Variants in PAQR5 observed in about 807,000 individuals in gnomAD.
PAQR5 encodes the protein membrane progestin receptor gamma.
PAQR5 carries 20 observed loss-of-function variants against 34.5 expected under a neutral mutation model. The ratio of observed to expected loss-of-function variants is 0.58; its 90% CI spans 0.41 to 0.84. The LOEUF (loss-of-function observed/expected upper bound fraction) is 0.84, where lower values mean the gene tolerates loss of function less well. Ranked by LOEUF, PAQR5 falls within the 40% of genes least tolerant of loss-of-function variation. The pLI, the probability that PAQR5 is intolerant of heterozygous loss-of-function variation, is 0.00. For missense variants in PAQR5, 378 were observed against 412.7 expected (o/e 0.92, Z 0.73); for synonymous variants, 131 against 155.6 (o/e 0.84, Z 1.18).
chr15:69,374,923 A>C (rs1344462668), intron 3 of PAQR5, among the ~76,000 whole-genome samples: 1 of 152,154 alleles, frequency 6.6e-6, no homozygotes, highest in African/African-American at 2.4e-5. Context: ...TTGAAGCCAG[A>C]GGCAGTTGCA....
In PAQR5 at chr15:69,360,141, C is replaced by T; in HGVS notation, c.51+10C>T. 1 of 1,606,416 alleles carries T rather than the reference C, an allele frequency of 6.2e-7. No individual in the cohort carries two copies. Among genetic ancestry groups the T allele is most frequent in the Non-Finnish European group, 8.5e-7 (1 of 1,173,098 alleles). ...AGACCAGATACCCCAGGTATGTGCT[C>T]TATTGATTATGATGGTTCATTTCCA... is the stretch of plus-strand genomic sequence containing the variant. On this transcript the variant is annotated intron_variant, in intron 3 of 8. Coordinates refer to ENST00000395407, the MANE Select transcript of PAQR5 (RefSeq NM_017705.4).
chr15:69,382,511 G>T (rs887838819), intron 4 of PAQR5, among the ~76,000 whole-genome samples: 8 of 151,550 alleles, frequency 5.3e-5, no homozygotes, highest in African/African-American at 1.9e-4. Context: ...CAGGCGTGGT[G>T]GAGGGTGCCT....
Position 69,323,018 on chromosome 15 carries a change from G to A in PAQR5, c.-276-14323G>A, listed in dbSNP as rs778971413. Reference sequence around the variant, plus strand: ...GTGGGAGGTGGGGCTGGGGGACTGCGGAGGGCTTGAGGATATGCTAAGGAG... The same window carrying A: ...GTGGGAGGTGGGGCTGGGGGACTGCAGAGGGCTTGAGGATATGCTAAGGAG... On this transcript the variant is annotated intron_variant, in intron 1 of 8. Transcript: ENST00000395407. Among the ~76,000 whole-genome samples, 67 of 151,500 alleles carry A rather than the reference G, an allele frequency of 4.4e-4. 1 individual carries two copies. Among genetic ancestry groups the A allele is most frequent in the Non-Finnish European group, 7.9e-4 (54 of 67,996 alleles).
chr15:69,312,900 C>G (rs1221191952), intron 1 of PAQR5, among the ~76,000 whole-genome samples: 1 of 152,098 alleles, frequency 6.6e-6, no homozygotes, highest in Non-Finnish European at 1.5e-5. Context: ...GGTCACAGTC[C>G]TATGTGCTAT....
intron 1 of PAQR5, among the ~76,000 whole-genome samples, chr15:69,327,135 C>G (rs903745792): frequency 6.6e-6 from 1 of 151,768 alleles, no homozygotes; most frequent in East Asian, 1.9e-4. Context: ...CAGGCATGCA[C>G]CACCACACTT....
At chr15:69,376,650 C>T (rs2055714873) in intron 3 of PAQR5, among the ~76,000 whole-genome samples, 3 of 152,160 alleles carry the variant, frequency 2.0e-5, no homozygotes, top group Admixed American at 6.5e-5. Flanking sequence ...GCCCCTATTA[C>T]GTGGCCAATA....
chr15:69,375,717 T>A (rs990687894), intron 3 of PAQR5, among the ~76,000 whole-genome samples: 11 of 152,142 alleles, frequency 7.2e-5, no homozygotes, highest in Non-Finnish European at 1.3e-4. Flanking sequence ...GGCCTCAGTT[T>A]CCTTTTCTGT....
At chr15:69,395,187 G>T (rs1306605655) in intron 6 of PAQR5, among the ~76,000 whole-genome samples, 2 of 152,224 alleles carry the variant, frequency 1.3e-5, no homozygotes, top group African/African-American at 4.8e-5. Context: ...GACTAAGAAG[G>T]CCGGTGAGGC....
chr15:69,301,398 T>C (rs28479809), intron 1 of PAQR5, among the ~76,000 whole-genome samples: 32,089 of 152,110 alleles, frequency 0.21, 4,468 homozygotes, highest in African/African-American at 0.39. Context: ...CAAGCTTGGC[T>C]CTACCCTAGA....
chr15:69,309,273 G>T (rs1397571404), intron 1 of PAQR5, among the ~76,000 whole-genome samples: 1 of 152,194 alleles, frequency 6.6e-6, no homozygotes, highest in Non-Finnish European at 1.5e-5. Context: ...GATAGTGGAG[G>T]ACCGTATGGA....
At chr15:69,399,929 C>T in intron 7 of PAQR5, 45 bp from the exon 8 acceptor site, 1 of 1,589,928 alleles carries the variant, frequency 6.3e-7, no homozygotes, top group Non-Finnish European at 8.6e-7. Context: ...GGGCCTGCCT[C>T]AGGCCTGTCC....
intron 2 of PAQR5, among the ~76,000 whole-genome samples, chr15:69,354,039 T>C (rs2054994063): frequency 6.6e-6 from 1 of 152,176 alleles, no homozygotes; most frequent in Non-Finnish European, 1.5e-5. Context: ...GGAAAGCTCT[T>C]TGGGCCTCTC....
chr15:69,390,424 A>G (rs2056235930), intron 6 of PAQR5, among the ~76,000 whole-genome samples: 1 of 149,144 alleles, frequency 6.7e-6, no homozygotes, highest in Non-Finnish European at 1.5e-5. Flanking sequence ...ATCTCAGCTC[A>G]CTGTAGCCTC....
intron 3 of PAQR5, among the ~76,000 whole-genome samples, chr15:69,360,458 C>T (rs915941292): frequency 1.3e-5 from 2 of 152,214 alleles, no homozygotes; most frequent in African/African-American, 4.8e-5. Flanking sequence ...TTTCAGGCCC[C>T]TCCTATGGGT....
chr15:69,395,132 G>T (rs2140978082), intron 6 of PAQR5, among the ~76,000 whole-genome samples: 1 of 152,312 alleles, frequency 6.6e-6, no homozygotes, highest in East Asian at 1.9e-4. Context: ...CAGGGCACAG[G>T]GCAGGAGGGG....
intron 8 of PAQR5, among the ~76,000 whole-genome samples, chr15:69,401,216 T>G (rs2056617404): frequency 6.6e-6 from 1 of 151,850 alleles, no homozygotes; most frequent in Non-Finnish European, 1.5e-5. Flanking sequence ...GGGGTGAGAG[T>G]TCCTTAGGTG....
Position 69,376,058 on chromosome 15 carries a change from A to G in PAQR5, c.52-3825A>G, listed in dbSNP as rs568168559. ...GCTTGAGGCAGGAACTGAAAGGGAAAACTTGCTGATGTGCCCTTCTGCTCC... is the reference window on the plus strand; with the variant it reads ...GCTTGAGGCAGGAACTGAAAGGGAAGACTTGCTGATGTGCCCTTCTGCTCC... On this transcript the variant is annotated intron_variant, in intron 3 of 8. Coordinates refer to ENST00000395407, the MANE Select transcript of PAQR5 (RefSeq NM_017705.4). Among the ~76,000 whole-genome samples the G allele has an allele frequency of 2.0e-5, 3 of 152,302 alleles. No homozygotes were observed. In the South Asian group the frequency reaches 6.2e-4, roughly 32 times the overall value.
At chr15:69,300,360 C>T (rs77495172) in intron 1 of PAQR5, among the ~76,000 whole-genome samples, 6,190 of 152,162 alleles carry the variant, frequency 0.041, 189 homozygotes, top group East Asian at 0.14. Context: ...AGGTGCTCTG[C>T]GAGAATGGAA....
intron 1 of PAQR5, among the ~76,000 whole-genome samples, chr15:69,311,644 G>C (rs1049751040): frequency 5.3e-5 from 8 of 152,116 alleles, no homozygotes; most frequent in African/African-American, 1.9e-4. Flanking sequence ...GCCCACAGGG[G>C]TTATTTAAAC....
Sources: gnomAD v4.1 joint callset for allele counts (sites outside exome capture counted in the v4.1 genomes callset) on GRCh38, gnomAD v4.1.1 for gene constraint, MANE v1.5 for transcripts, NCBI Gene and HGNC (gene_info 2026-07-23, HGNC 2026-07-21) for gene names.